The following CDH13 variants were observed in gnomAD, a reference collection of about 807,000 sequenced individuals.
The protein encoded by CDH13 is cadherin-13.
CDH13 carries 24 observed loss-of-function variants against 63.8 expected under a neutral mutation model. That is an observed-to-expected ratio of 0.38 (90% CI 0.27 to 0.53). The LOEUF (loss-of-function observed/expected upper bound fraction) is 0.53, where lower values mean the gene tolerates loss of function less well. Among genes scored for constraint, CDH13 ranks in the 20% least tolerant of loss-of-function variants. The pLI is 0.85. For synonymous variants in CDH13, 503 were observed against 355.3 expected (o/e 1.42, Z -4.67); for missense variants, 1,049 against 903.1 (o/e 1.16, Z -2.07).
intron 1 of CDH13, among the ~76,000 whole-genome samples, chr16:82,671,885 GAGA>G (rs1913288702): frequency 6.6e-6 from 1 of 152,148 alleles, no homozygotes. Flanking sequence ...TTGCGCACCT[GAGA>G]AGTGCCCCCT....
chr16:83,162,912 C>G (rs969534481), intron 4 of CDH13, among the ~76,000 whole-genome samples: 2 of 152,096 alleles, frequency 1.3e-5, no homozygotes, highest in African/African-American at 4.8e-5. Flanking sequence ...GCTCCCAAGT[C>G]TAGCACACTC....
At chr16:83,197,176 C>T (rs535503458) in intron 4 of CDH13, among the ~76,000 whole-genome samples, 1 of 152,062 alleles carries the variant, frequency 6.6e-6, no homozygotes, top group Non-Finnish European at 1.5e-5. Context: ...AATGAAAATG[C>T]TAATCCCAGA....
chr16:83,408,369 A>C (rs2092078043), intron 6 of CDH13, among the ~76,000 whole-genome samples: 1 of 152,220 alleles, frequency 6.6e-6, no homozygotes, highest in African/African-American at 2.4e-5. Context: ...TTGTGCAAAC[A>C]TCATATAGTG....
At chr16:82,927,492 A>G (rs937727396) in intron 2 of CDH13, among the ~76,000 whole-genome samples, 1 of 152,174 alleles carries the variant, frequency 6.6e-6, no homozygotes, top group Non-Finnish European at 1.5e-5. Context: ...GGCTGCGGGT[A>G]TTTAGAAGAC....
intron 3 of CDH13, among the ~76,000 whole-genome samples, chr16:83,034,059 A>G (rs910845796): frequency 6.6e-6 from 1 of 152,124 alleles, no homozygotes; most frequent in African/African-American, 2.4e-5. Flanking sequence ...CCTTCCCGCC[A>G]GTGCTGTCTG....
intron 5 of CDH13, among the ~76,000 whole-genome samples, chr16:83,334,361 T>TCTCTCACACACACACACACA (rs1272779883): frequency 1.2e-5 from 1 of 85,622 alleles, no homozygotes; most frequent in African/African-American, 5.0e-5. Flanking sequence ...TCTCTCTCTC[T>TCTCTCACACACACACACACA]CACACACACA....
intron 1 of CDH13, chr16:82,829,528 A>G (rs2038428304): frequency 6.6e-6 from 1 of 152,178 alleles, no homozygotes; most frequent in African/African-American, 2.4e-5. Context: ...GGAAAAGTGC[A>G]GTCGGAAGAC....
intron 5 of CDH13, among the ~76,000 whole-genome samples, chr16:83,317,388 T>G (rs1403040333): frequency 6.6e-6 from 1 of 152,200 alleles, no homozygotes; most frequent in Admixed American, 6.5e-5. Flanking sequence ...GGTCAAAGCC[T>G]ATGCTTGTGT....
At chr16:82,937,924 C>G (rs576143252) in intron 2 of CDH13, among the ~76,000 whole-genome samples, 21 of 152,194 alleles carry the variant, frequency 1.4e-4, no homozygotes, top group Middle Eastern at 3.4e-3. Flanking sequence ...TATAAAAGGA[C>G]AGTAATTGGA....
chr16:82,655,561 G>T (rs969963473), intron 1 of CDH13, among the ~76,000 whole-genome samples: 8 of 152,128 alleles, frequency 5.3e-5, no homozygotes, highest in African/African-American at 1.9e-4. Context: ...GTGTGCGTGT[G>T]ATGCTGAGAG....
Position 83,095,939 on chromosome 16 carries a change from C to T in CDH13, c.367-29446C>T, listed in dbSNP as rs145901848. 4.6e-5 allele frequency among the ~76,000 whole-genome samples: 7 copies of T among 152,296 alleles called. No individual in the cohort carries two copies. In the East Asian group the frequency reaches 1.4e-3, roughly 29 times the overall value. Reference sequence around the variant, plus strand: ...AATATTAATGCCAATTTCAGGGGATCTGTTCAAGTTCACCGGAAGGCAGAG... The same window carrying T: ...AATATTAATGCCAATTTCAGGGGATTTGTTCAAGTTCACCGGAAGGCAGAG... On this transcript the variant is annotated intron_variant, in intron 3 of 13. Transcript: ENST00000567109.
chr16:82,649,122 G>A (rs188420067), intron 1 of CDH13, among the ~76,000 whole-genome samples: 3 of 152,152 alleles, frequency 2.0e-5, no homozygotes, highest in African/African-American at 7.2e-5. Context: ...CTTTACATTT[G>A]TTGCTTGTTT....
intron 1 of CDH13, among the ~76,000 whole-genome samples, chr16:82,661,220 C>T (rs1911906010): frequency 6.6e-6 from 1 of 152,148 alleles, no homozygotes. Context: ...CTCCCCTCAC[C>T]ATGTTGTAAT....
chr16:83,777,278 G>A (rs776612672), intron 11 of CDH13, among the ~76,000 whole-genome samples: 1 of 152,204 alleles, frequency 6.6e-6, no homozygotes, highest in Non-Finnish European at 1.5e-5. Context: ...ATTGGTACAG[G>A]TCCCTTGTGA....
chr16:83,373,932 G>A (rs894899434), intron 6 of CDH13, among the ~76,000 whole-genome samples: 1 of 152,150 alleles, frequency 6.6e-6, no homozygotes, highest in Admixed American at 6.5e-5. Flanking sequence ...GAAGGATCCA[G>A]GGGAATGAGC....
intron 1 of CDH13, among the ~76,000 whole-genome samples, chr16:82,802,019 C>G (rs969954346): frequency 6.6e-6 from 1 of 152,168 alleles, no homozygotes; most frequent in Non-Finnish European, 1.5e-5. Context: ...GGGTGGGGCT[C>G]AGTTCCGTTG....
chr16:83,521,329 G>C (rs1242649270), intron 7 of CDH13, among the ~76,000 whole-genome samples: 3 of 151,438 alleles, frequency 2.0e-5, no homozygotes, highest in Non-Finnish European at 4.4e-5. Flanking sequence ...GGTACTCTTT[G>C]CTCTTTGAAA....
At chr16:83,145,639 T>A (rs2036715834) in intron 4 of CDH13, among the ~76,000 whole-genome samples, 1 of 152,222 alleles carries the variant, frequency 6.6e-6, no homozygotes, top group Non-Finnish European at 1.5e-5. Flanking sequence ...TGAAGAACAT[T>A]CTATAGATCG....
chr16:83,759,341 A>G (rs933754186), intron 11 of CDH13, among the ~76,000 whole-genome samples: 5 of 152,216 alleles, frequency 3.3e-5, no homozygotes, highest in Admixed American at 1.3e-4. Context: ...TTGAATAAAC[A>G]TATTTTTTAA....
Sources: allele counts gnomAD v4.1 joint callset (sites outside exome capture counted in the v4.1 genomes callset), GRCh38; gene constraint gnomAD v4.1.1; transcripts MANE v1.5; gene names NCBI Gene and HGNC (gene_info 2026-07-23, HGNC 2026-07-21).